The following GNAT3 variants were observed in gnomAD, a reference collection of about 807,000 sequenced individuals.
The protein encoded by GNAT3 is G protein subunit alpha transducin 3.
Under a neutral mutation model 37.7 loss-of-function variants are expected in GNAT3, and 31 were observed. The ratio of observed to expected loss-of-function variants is 0.82; its 90% confidence interval spans 0.62 to 1.11. The LOEUF is 1.11. Ranked by LOEUF, GNAT3 falls within the 50% of genes most tolerant of loss-of-function variation. GNAT3 has a pLI of 0.00. For synonymous variants in GNAT3, 138 were observed against 139.8 expected (o/e 0.99, Z 0.09); for missense variants, 437 against 412.5 (o/e 1.06, Z -0.51).
At chr7:80,469,553 T>C (rs1790175348) in intron 5 of GNAT3, among the ~76,000 whole-genome samples, 1 of 152,172 alleles carries the variant, frequency 6.6e-6, no homozygotes. Flanking sequence ...TTCCACTGAA[T>C]TAGATGATAC....
chr7:80,479,066 G>T (rs1423712594), intron 3 of GNAT3, 68 bp from the exon 4 acceptor site: 1 of 1,014,476 alleles, frequency 9.9e-7, no homozygotes, highest in Non-Finnish European at 1.4e-6. Flanking sequence ...TTCTAATAGA[G>T]TAATTTACTG....
chr7:80,474,377 T>C lies in GNAT3; in HGVS notation c.464A>G (p.Tyr155Cys). Residue 155 changes from tyrosine (Y) to cysteine (C), a missense_variant and splice_region_variant, in exon 5 of 8, where the codon TAC becomes TGC. Physicochemically the swap from Tyr to Cys is radical, Grantham distance 194. Transcript: ENST00000398291. The part of the protein sequence containing the change: ...EYQLNDSAAY[Y>C]LNDLDRITAS... Reference sequence around the variant, plus strand: ...TGTTATTCTATCTAAATCATTAAGGTAGCTAATAAAGACAAAACAAAATTA... The same window carrying C: ...TGTTATTCTATCTAAATCATTAAGGCAGCTAATAAAGACAAAACAAAATTA... The C allele has an allele frequency of 6.6e-7, 1 of 1,526,678 alleles. No homozygotes were observed. The highest frequency in any genetic ancestry group is 8.9e-7 in the Non-Finnish European group (1 of 1,127,932). The allele number at this position is 1,526,678 out of a possible 1,614,324, so 94.6% of individuals were successfully genotyped here.
At chr7:80,479,111 T>G in intron 3 of GNAT3, 113 bp from the exon 4 acceptor site, 4 of 760,880 alleles carry the variant, frequency 5.3e-6, no homozygotes, top group Non-Finnish European at 8.1e-6. Flanking sequence ...AGCTAATAAT[T>G]CCACCAAACA....
intron 4 of GNAT3, among the ~76,000 whole-genome samples, chr7:80,476,097 C>A (rs928033610): frequency 6.6e-5 from 10 of 151,718 alleles, no homozygotes; most frequent in South Asian, 2.1e-4. Flanking sequence ...ACAAAAAAAA[C>A]CCAAAAATAT....
chr7:80,510,947 G>A (rs1399845778), intron 1 of GNAT3, among the ~76,000 whole-genome samples: 1 of 152,086 alleles, frequency 6.6e-6, no homozygotes, highest in Non-Finnish European at 1.5e-5. Context: ...ACCAAAATCA[G>A]GGAGAAAGTA....
chr7:80,496,239 T>C (rs1584191903), intron 1 of GNAT3, among the ~76,000 whole-genome samples: 1 of 152,314 alleles, frequency 6.6e-6, no homozygotes, highest in African/African-American at 2.4e-5. Context: ...CAAGCGATTC[T>C]CCTGCCTCAG....
intron 3 of GNAT3, among the ~76,000 whole-genome samples, chr7:80,483,929 C>T (rs1043759327): frequency 6.6e-6 from 1 of 152,072 alleles, no homozygotes; most frequent in Non-Finnish European, 1.5e-5. Flanking sequence ...CCTGGAATGG[C>T]TCATTCTCTC....
At chr7:80,504,042 G>T (rs568719111) in intron 1 of GNAT3, among the ~76,000 whole-genome samples, 28 of 152,312 alleles carry the variant, frequency 1.8e-4, no homozygotes, top group East Asian at 7.7e-4. Flanking sequence ...ATCGCTCAGG[G>T]TGGAGGCTCA....
At chr7:80,467,822 G>T (rs998702195) in intron 5 of GNAT3, among the ~76,000 whole-genome samples, 5 of 151,956 alleles carry the variant, frequency 3.3e-5, no homozygotes, top group South Asian at 4.2e-4. Flanking sequence ...GAGGGAAATG[G>T]ACATGCTTGA....
chr7:80,463,753 T>C (rs557774144), intron 5 of GNAT3, among the ~76,000 whole-genome samples: 70 of 151,530 alleles, frequency 4.6e-4, no homozygotes, highest in African/African-American at 1.6e-3. Flanking sequence ...GCAAAAAATA[T>C]TTGCTAAGTA....
intron 3 of GNAT3, among the ~76,000 whole-genome samples, chr7:80,479,246 G>A (rs1354079131): frequency 6.6e-6 from 1 of 152,086 alleles, no homozygotes; most frequent in African/African-American, 2.4e-5. Context: ...TTTGAAATAT[G>A]TCACTGACTT....
intron 1 of GNAT3, among the ~76,000 whole-genome samples, chr7:80,510,331 A>G (rs1362932108): frequency 6.6e-6 from 1 of 152,176 alleles, no homozygotes; most frequent in East Asian, 1.9e-4. Context: ...GTATTTTTAC[A>G]AAATAAGAGA....
chr7:80,503,201 T>C (rs1251197234), intron 1 of GNAT3, among the ~76,000 whole-genome samples: 1 of 152,202 alleles, frequency 6.6e-6, no homozygotes, highest in Admixed American at 6.5e-5. Flanking sequence ...TGCAAAGGTA[T>C]ACCTGTGTTC....
chr7:80,470,227 T>C (rs560590248), intron 5 of GNAT3, among the ~76,000 whole-genome samples: 33 of 152,256 alleles, frequency 2.2e-4, no homozygotes, highest in African/African-American at 7.9e-4. Flanking sequence ...TTCTTTTTTT[T>C]TTTTCTTTTT....
chr7:80,509,208 T>C (rs1441515672), intron 1 of GNAT3, among the ~76,000 whole-genome samples: 1 of 152,092 alleles, frequency 6.6e-6, no homozygotes, highest in African/African-American at 2.4e-5. Flanking sequence ...GTTTCGAGAA[T>C]TTGAATTCAA....
At chr7:80,507,693 G>A (rs913639363) in intron 1 of GNAT3, among the ~76,000 whole-genome samples, 2 of 151,900 alleles carry the variant, frequency 1.3e-5, no homozygotes, top group African/African-American at 4.8e-5. Flanking sequence ...GTATTAAATT[G>A]TATTCTCCTC....
chr7:80,482,311 T>C lies in GNAT3; in HGVS notation c.304-3313A>G, dbSNP rs368956648. Reference sequence around the variant, plus strand: ...CTTTCACTAGCATCATGCTATTGGCTCCTTCCACTATTAAAGTGCTGTTTA... The same window carrying C: ...CTTTCACTAGCATCATGCTATTGGCCCCTTCCACTATTAAAGTGCTGTTTA... On this transcript the variant is annotated intron_variant, in intron 3 of 7. Transcript: ENST00000398291. 1.4e-4 allele frequency among the ~76,000 whole-genome samples: 21 copies of C among 152,232 alleles called. No individual in the cohort carries two copies. In the East Asian group the frequency reaches 2.3e-3, roughly 17 times the overall value.
At chr7:80,468,609 C>T (rs183135167) in intron 5 of GNAT3, among the ~76,000 whole-genome samples, 19 of 152,200 alleles carry the variant, frequency 1.2e-4, no homozygotes, top group Non-Finnish European at 2.6e-4. Flanking sequence ...TCTGTGTCTT[C>T]ACTACACACC....
intron 4 of GNAT3, among the ~76,000 whole-genome samples, chr7:80,475,634 G>GT (rs1790290417): frequency 6.6e-6 from 1 of 151,962 alleles, no homozygotes; most frequent in Non-Finnish European, 1.5e-5. Flanking sequence ...AAAATTGTTT[G>GT]TTCAGTGATT....
Sources: gnomAD v4.1 joint callset for allele counts (sites outside exome capture counted in the v4.1 genomes callset) on GRCh38, gnomAD v4.1.1 for gene constraint, MANE v1.5 for transcripts, NCBI Gene and HGNC (gene_info 2026-07-23, HGNC 2026-07-21) for gene names.